The following PPP4R2 variants were observed in gnomAD, a reference collection of about 807,000 sequenced individuals.
PPP4R2 encodes the protein protein phosphatase 4 regulatory subunit 2, also known as serine/threonine-protein phosphatase 4 regulatory subunit 2.
In PPP4R2, 13 loss-of-function variants were observed where a neutral mutation model predicts 47.2. That is an observed-to-expected ratio of 0.28 (90% CI 0.18 to 0.44). The LOEUF (loss-of-function observed/expected upper bound fraction) is 0.44, where lower values mean the gene tolerates loss of function less well. Ranked by LOEUF, PPP4R2 falls within the 20% of genes least tolerant of loss-of-function variation. PPP4R2 has a pLI of 1.00. For synonymous variants in PPP4R2, 151 were observed against 163.3 expected (o/e 0.92, Z 0.57); for missense variants, 421 against 491.2 (o/e 0.86, Z 1.35).
At chr3:73,041,708 A>G (rs899809149) in intron 2 of PPP4R2, among the ~76,000 whole-genome samples, 2 of 152,222 alleles carry the variant, frequency 1.3e-5, no homozygotes, top group Non-Finnish European at 2.9e-5. Context: ...TTTGTGTGCA[A>G]TGCAGATAGG....
chr3:73,062,901 T>C (rs772615609), intron 5 of PPP4R2: 1 of 1,610,284 alleles, frequency 6.2e-7, no homozygotes, highest in Admixed American at 1.7e-5. Flanking sequence ...GTCAAGTTAG[T>C]TGCCAAGAAA....
At chr3:73,026,725 A>G (rs1011837382) in intron 2 of PPP4R2, among the ~76,000 whole-genome samples, 1 of 152,156 alleles carries the variant, frequency 6.6e-6, no homozygotes, top group African/African-American at 2.4e-5. Flanking sequence ...AAAGCACATC[A>G]GCTATCATTA....
intron 3 of PPP4R2, among the ~76,000 whole-genome samples, chr3:73,057,764 T>TA (rs1702755965): frequency 6.6e-6 from 1 of 152,086 alleles, no homozygotes. Context: ...TTTTGTAAAA[T>TA]ACGTGTGGTA....
chr3:72,997,112 C>G, intron 1 of PPP4R2, 41 bp downstream of exon 1: 1 of 1,315,516 alleles, frequency 7.6e-7, no homozygotes, highest in South Asian at 2.1e-5. Context: ...CTCACCTTCT[C>G]CGGCTCGCTC....
intron 2 of PPP4R2, among the ~76,000 whole-genome samples, chr3:73,045,180 A>G (rs967241223): frequency 3.9e-5 from 6 of 152,078 alleles, no homozygotes; most frequent in African/African-American, 1.4e-4. Flanking sequence ...GTAATTAATT[A>G]TTTTGTAGAG....
At chr3:73,021,581 A>G (rs1236787735) in intron 2 of PPP4R2, among the ~76,000 whole-genome samples, 2 of 152,084 alleles carry the variant, frequency 1.3e-5, no homozygotes, top group Non-Finnish European at 2.9e-5. Context: ...GATACTTTCA[A>G]CATAAATTAG....
chr3:72,996,918 C>G lies in PPP4R2; in HGVS notation c.-120C>G. On this transcript the variant is annotated 5_prime_UTR_variant, in exon 1 of 9. Transcript: ENST00000356692. Reference sequence around the variant, plus strand: ...GCTCCCTTCGTTTCCCCCCCCCGGTCGCCTGCGTGCCGGAGTGTGTGCGAG... The same window carrying G: ...GCTCCCTTCGTTTCCCCCCCCCGGTGGCCTGCGTGCCGGAGTGTGTGCGAG... 1.6e-6 allele frequency: 1 copy of G among 634,008 alleles called. No individual in the cohort carries two copies. The highest frequency in any genetic ancestry group is 2.4e-6 in the Non-Finnish European group (1 of 424,806). 39.3% of individuals were successfully genotyped at this position (634,008 alleles called of 1,614,324 possible).
chr3:73,007,701 C>T (rs562695261), intron 2 of PPP4R2, among the ~76,000 whole-genome samples: 2 of 152,236 alleles, frequency 1.3e-5, no homozygotes, highest in South Asian at 2.1e-4. Flanking sequence ...GTTGGCCAGG[C>T]TGGTCTCGAA....
chr3:73,039,820 A>G (rs1001179461), intron 2 of PPP4R2, among the ~76,000 whole-genome samples: 1 of 152,180 alleles, frequency 6.6e-6, no homozygotes, highest in Non-Finnish European at 1.5e-5. Context: ...TGGGAGGCCA[A>G]GGCGGCGAAT....
At chr3:73,046,208 A>C (rs1363583225) in intron 2 of PPP4R2, among the ~76,000 whole-genome samples, 3 of 152,232 alleles carry the variant, frequency 2.0e-5, no homozygotes, top group Non-Finnish European at 4.4e-5. Context: ...ACACATTAAC[A>C]GTGAACTAGT....
intron 2 of PPP4R2, among the ~76,000 whole-genome samples, chr3:73,046,591 AT>A (rs750010188): frequency 6.6e-6 from 1 of 152,134 alleles, no homozygotes; most frequent in Non-Finnish European, 1.5e-5. Context: ...CAAATTATGT[AT>A]TTTTATTGTG....
At chr3:73,002,344 A>G (rs1701485039) in intron 2 of PPP4R2, among the ~76,000 whole-genome samples, 1 of 152,102 alleles carries the variant, frequency 6.6e-6, no homozygotes, top group Admixed American at 6.5e-5. Context: ...TCAAACTCTT[A>G]GGCTCAAGGG....
chr3:73,010,576 T>TA (rs1484742196), intron 2 of PPP4R2, among the ~76,000 whole-genome samples: 1 of 146,082 alleles, frequency 6.8e-6, no homozygotes, highest in Non-Finnish European at 1.5e-5. Flanking sequence ...TTTTTTTTTT[T>TA]AAGACAGAGT....
chr3:73,029,900 A>C (rs796780032), intron 2 of PPP4R2, among the ~76,000 whole-genome samples: 39 of 152,342 alleles, frequency 2.6e-4, no homozygotes, highest in African/African-American at 8.4e-4. Context: ...ATTTAAGAAA[A>C]TTGTCCACTA....
At chr3:73,022,860 G>A (rs1193997619) in intron 2 of PPP4R2, among the ~76,000 whole-genome samples, 2 of 140,524 alleles carry the variant, frequency 1.4e-5, no homozygotes, top group Non-Finnish European at 3.1e-5. Context: ...GGAAGCCTTA[G>A]GATATTGGAT....
At chr3:73,055,755 A>AC (rs746609834) in intron 3 of PPP4R2, among the ~76,000 whole-genome samples, 8 of 150,174 alleles carry the variant, frequency 5.3e-5, no homozygotes, top group Non-Finnish European at 1.0e-4. Flanking sequence ...TGCAACCTCC[A>AC]CCGCCCAGGT....
At chr3:73,012,549 C>A (rs141845301) in intron 2 of PPP4R2, among the ~76,000 whole-genome samples, 2 of 152,314 alleles carry the variant, frequency 1.3e-5, no homozygotes, top group East Asian at 3.9e-4. Flanking sequence ...GATCCACCCA[C>A]CTCTGCCCTC....
At chr3:73,049,575 G>A (rs1372778232) in intron 3 of PPP4R2, among the ~76,000 whole-genome samples, 2 of 151,968 alleles carry the variant, frequency 1.3e-5, no homozygotes, top group African/African-American at 4.8e-5. Flanking sequence ...ATAGTGAGTC[G>A]TCTTTTATTT....
At chr3:73,055,218 A>C (rs1315833641) in intron 3 of PPP4R2, among the ~76,000 whole-genome samples, 1 of 152,190 alleles carries the variant, frequency 6.6e-6, no homozygotes, top group Non-Finnish European at 1.5e-5. Flanking sequence ...GATGACAATA[A>C]GAACTAAGAT....
Sources: gnomAD v4.1 joint callset for allele counts (sites outside exome capture counted in the v4.1 genomes callset) on GRCh38, gnomAD v4.1.1 for gene constraint, MANE v1.5 for transcripts, NCBI Gene and HGNC (gene_info 2026-07-23, HGNC 2026-07-21) for gene names.